MACROD2: variants seen among roughly 807,000 people sequenced by gnomAD.
The protein encoded by MACROD2 is mono-ADP ribosylhydrolase 2, also known as ADP-ribose glycohydrolase MACROD2.
In MACROD2, 36 loss-of-function variants were observed where a neutral mutation model predicts 70.4. The ratio of observed to expected loss-of-function variants is 0.51; its 90% CI spans 0.39 to 0.68. The LOEUF is 0.68. MACROD2 is among the 30% of genes least tolerant of loss of function. The pLI, the probability that MACROD2 is intolerant of heterozygous loss-of-function variation, is 0.00. For synonymous variants in MACROD2, 172 were observed against 178.8 expected, an observed-to-expected ratio of 0.96 and a Z score of 0.30; for missense variants, 496 against 538.4, an observed-to-expected ratio of 0.92 and a Z score of 0.78.
intron 4 of MACROD2, among the ~76,000 whole-genome samples, chr20:14,602,609 T>TAGAG (rs1982570397): frequency 6.6e-6 from 1 of 152,196 alleles, no homozygotes; most frequent in Non-Finnish European, 1.5e-5. Context: ...CATAGGCTAA[T>TAGAG]TCGTGTTTGT....
chr20:14,537,733 G>C (rs1231623790), intron 4 of MACROD2, among the ~76,000 whole-genome samples: 1 of 152,114 alleles, frequency 6.6e-6, no homozygotes, highest in African/African-American at 2.4e-5. Context: ...TCATCTACTT[G>C]TCTCAAACCA....
rs73898328 is a variant in MACROD2 at position 16,012,606 on chromosome 20, T to A, written c.1153+25448T>A. Reference sequence around the variant, plus strand: ...GTAATCTGTTGCTTAGGAAATGTGATGTGTAGTGTAGAAGAATGAAGCCGA... The same window carrying A: ...GTAATCTGTTGCTTAGGAAATGTGAAGTGTAGTGTAGAAGAATGAAGCCGA... On this transcript the variant is annotated intron_variant, in intron 15 of 17. Coordinates refer to ENST00000684519, the MANE Select transcript of MACROD2 (RefSeq NM_001351661.2). Among the ~76,000 whole-genome samples, 1,443 of 152,342 alleles carry A rather than the reference T, an allele frequency of 9.5e-3. 21 individuals carry two copies. Among genetic ancestry groups the A allele is most frequent in the African/African-American group, 0.031 (1,273 of 41,572 alleles).
At chr20:14,830,682 G>T (rs1227297817) in intron 5 of MACROD2, among the ~76,000 whole-genome samples, 3 of 152,114 alleles carry the variant, frequency 2.0e-5, no homozygotes, top group African/African-American at 7.2e-5. Flanking sequence ...CAAGGGTGCG[G>T]TTACTAATAG....
chr20:16,006,934 A>G (rs2066797278), intron 15 of MACROD2, among the ~76,000 whole-genome samples: 1 of 152,208 alleles, frequency 6.6e-6, no homozygotes, highest in East Asian at 1.9e-4. Flanking sequence ...ACAGTGATGC[A>G]TAGGTATGGA....
At chr20:14,004,094 A>G (rs2148611433) in intron 2 of MACROD2, among the ~76,000 whole-genome samples, 1 of 152,340 alleles carries the variant, frequency 6.6e-6, no homozygotes, top group Admixed American at 6.5e-5. Context: ...CTGGTTCAGC[A>G]TTCCTAATCC....
At chr20:14,917,561 C>A (rs2074107778) in intron 5 of MACROD2, among the ~76,000 whole-genome samples, 1 of 151,928 alleles carries the variant, frequency 6.6e-6, no homozygotes, top group Non-Finnish European at 1.5e-5. Flanking sequence ...CACCGGGAAG[C>A]CTATGGAAGA....
chr20:14,788,238 G>C (rs915294366), intron 5 of MACROD2, among the ~76,000 whole-genome samples: 7 of 152,032 alleles, frequency 4.6e-5, no homozygotes, highest in Admixed American at 4.6e-4. Context: ...ACTTGCTGCA[G>C]CCTCTGGGGA....
Position 15,229,586 on chromosome 20 carries a change from TCAGTTTATTTCCC to T in MACROD2, c.419-340_419-328del, listed in dbSNP as rs1185352290. On this transcript the variant is annotated intron_variant, in intron 5 of 17. Coordinates refer to ENST00000684519, the MANE Select transcript of MACROD2 (RefSeq NM_001351661.2). ...TGTTCCTTTTGCAGGCAATTACTCC[TCAGTTTATTTCCC>T]CAGTTTATTTCCCGCCAAGGATTTG... 3.9e-5 allele frequency among the ~76,000 whole-genome samples: 6 copies of T among 152,320 alleles called. No homozygotes were observed. The South Asian group carries it at 6.2e-4, about 16-fold the overall frequency.
At chr20:14,907,795 G>A (rs564809952) in intron 5 of MACROD2, among the ~76,000 whole-genome samples, 4 of 152,232 alleles carry the variant, frequency 2.6e-5, no homozygotes, top group East Asian at 1.9e-4. Flanking sequence ...AAAGAGTTTA[G>A]ATATTGACTA....
chr20:14,583,034 T>C (rs1439952000), intron 4 of MACROD2, among the ~76,000 whole-genome samples: 4 of 150,646 alleles, frequency 2.7e-5, no homozygotes, highest in Admixed American at 2.0e-4. Context: ...GCAACTCTCT[T>C]GTCTGAGCGT....
At chr20:14,449,893 T>A (rs1047756911) in intron 3 of MACROD2, among the ~76,000 whole-genome samples, 1 of 152,000 alleles carries the variant, frequency 6.6e-6, no homozygotes, top group African/African-American at 2.4e-5. Context: ...TCATTTCAGA[T>A]TAAAAGGAGC....
intron 4 of MACROD2, among the ~76,000 whole-genome samples, chr20:14,511,542 T>G (rs1214017605): frequency 1.3e-5 from 2 of 152,038 alleles, no homozygotes; most frequent in Non-Finnish European, 2.9e-5. Context: ...TTCGATGGCT[T>G]CATTAGAAAC....
intron 3 of MACROD2, among the ~76,000 whole-genome samples, chr20:14,087,424 G>T (rs549426788): frequency 6.6e-6 from 1 of 151,714 alleles, no homozygotes; most frequent in Non-Finnish European, 1.5e-5. Flanking sequence ...TTGGATGTCA[G>T]TTGCTTTGTA....
intron 6 of MACROD2, among the ~76,000 whole-genome samples, chr20:15,244,922 TG>T (rs1483480676): frequency 6.6e-6 from 1 of 152,246 alleles, no homozygotes; most frequent in Non-Finnish European, 1.5e-5. Flanking sequence ...TGCATACATT[TG>T]TTACTGTAAG....
intron 3 of MACROD2, among the ~76,000 whole-genome samples, chr20:14,117,065 C>CAAA (rs11470818): frequency 2.7e-4 from 35 of 131,124 alleles, no homozygotes; most frequent in African/African-American, 9.8e-4. Flanking sequence ...GACTCCATCT[C>CAAA]AAAAAAAAAA....
rs144774508 is a variant in MACROD2, at chr20:14,393,197, A to G, written c.272-100282A>G. ...AAACTAAGATATGGTTTCACAATAC[A>G]TGTGAAACACATTTAGGTCAGGAGT... On this transcript the variant is annotated intron_variant, in intron 3 of 17. Coordinates refer to ENST00000684519, the MANE Select transcript of MACROD2 (RefSeq NM_001351661.2). 3.9e-3 allele frequency among the ~76,000 whole-genome samples: 601 copies of G among 152,272 alleles called. 2 individuals are homozygous for G. The highest frequency in any genetic ancestry group is 0.013 in the African/African-American group (549 of 41,574).
intron 2 of MACROD2, among the ~76,000 whole-genome samples, chr20:14,028,660 C>G (rs2053209099): frequency 6.6e-6 from 1 of 152,100 alleles, no homozygotes; most frequent in South Asian, 2.1e-4. Flanking sequence ...TCATGGCTTC[C>G]CTTGGCTAGG....
intron 8 of MACROD2, among the ~76,000 whole-genome samples, chr20:15,541,329 T>C (rs971768577): frequency 1.3e-5 from 2 of 152,186 alleles, no homozygotes; most frequent in Admixed American, 6.5e-5. Flanking sequence ...ATTTAAATTA[T>C]ATTAGCAGAG....
intron 8 of MACROD2, among the ~76,000 whole-genome samples, chr20:15,622,038 T>C (rs866156818): frequency 6.6e-6 from 1 of 152,178 alleles, no homozygotes; most frequent in South Asian, 2.1e-4. Context: ...GGGCTGCTAA[T>C]GGTGGCTCAG....
Sources: allele counts gnomAD v4.1 joint callset (sites outside exome capture counted in the v4.1 genomes callset), GRCh38; gene constraint gnomAD v4.1.1; transcripts MANE v1.5; gene names NCBI Gene and HGNC (gene_info 2026-07-23, HGNC 2026-07-21).